SLCO1A2: variants seen among roughly 807,000 people sequenced by gnomAD.
The protein encoded by SLCO1A2 is solute carrier organic anion transporter family member 1A2, also known as OATP-1.
A neutral mutation model predicts 69.0 loss-of-function variants in SLCO1A2; 67 were observed. The ratio of observed to expected loss-of-function variants is 0.97; its 90% CI spans 0.80 to 1.19. The LOEUF (loss-of-function observed/expected upper bound fraction) is 1.19. SLCO1A2 is among the 50% of genes most tolerant of loss of function. The probability of loss-of-function intolerance (pLI) is 0.00; values close to 1 mark genes in which losing one functional copy is unlikely to be tolerated. For synonymous variants in SLCO1A2, 260 were observed against 265.9 expected (o/e 0.98, Z 0.22); for missense variants, 787 against 793.7 (o/e 0.99, Z 0.10).
chr12:21,380,173 G>A (rs948629679), intron 1 of SLCO1A2, among the ~76,000 whole-genome samples: 2 of 151,924 alleles, frequency 1.3e-5, no homozygotes, highest in African/African-American at 4.8e-5. Flanking sequence ...TTTATAATAT[G>A]TCAAGTTATA....
In SLCO1A2 at chr12:21,265,380, AG is replaced by A. The variant is rs1941965030; in HGVS notation, c.*4167del. 6.6e-6 allele frequency: 1 copy of A among 152,432 alleles called. No individual in the cohort carries two copies. Among genetic ancestry groups the A allele is most frequent in the Admixed American group, 6.6e-5 (1 of 15,262 alleles). The allele number at this position is 152,432 out of a possible 1,614,324, so 9.4% of individuals were successfully genotyped here. A position where few individuals can be genotyped will look rare whatever the true frequency, so the allele number is the denominator to read the frequency against. ...GCTGGGAAGTCAAGAGATGGATTCC[AG>A]GTTTGAGGATAGATTGCAGCTGGAT... On this transcript the variant is annotated 3_prime_UTR_variant, in exon 15 of 15. Coordinates refer to ENST00000683939, the MANE Select transcript of SLCO1A2 (RefSeq NM_001386879.1).
chr12:21,274,868 G>C, intron 13 of SLCO1A2: 1 of 1,018,896 alleles, frequency 9.8e-7, no homozygotes, highest in Non-Finnish European at 1.2e-6. Context: ...TTTTGGGCCA[G>C]TTATATGTAC....
chr12:21,372,046 A>C lies in SLCO1A2; in HGVS notation c.-63+2353T>G, dbSNP rs1023569622. On this transcript the variant is annotated intron_variant, in intron 2 of 15. Coordinates refer to the SLCO1A2 transcript ENST00000307378. ...AAGAAAGAGAGAAAGAAATACAAGA[A>C]AAAGAAAAAGCAATTTGGAGAAAAT... Among the ~76,000 whole-genome samples, 5 of 152,268 alleles carry C rather than the reference A, an allele frequency of 3.3e-5. No individual in the cohort carries two copies. The South Asian group carries it at 1.0e-3, about 32-fold the overall frequency.
At chr12:21,378,452 G>A (rs748342316) in intron 1 of SLCO1A2, 5 of 1,568,984 alleles carry the variant, frequency 3.2e-6, no homozygotes. Flanking sequence ...TATAGTTATT[G>A]TTTTATGTTC....
At chr12:21,384,759 GT>G (rs1201476086) in intron 1 of SLCO1A2, among the ~76,000 whole-genome samples, 4 of 147,424 alleles carry the variant, frequency 2.7e-5, no homozygotes, top group African/African-American at 7.5e-5. Flanking sequence ...TGTCCACTTA[GT>G]TTTTTTTTCT....
intron 1 of SLCO1A2, 28 bp from the exon 2 acceptor site, chr12:21,334,737 A>T: frequency 5.1e-6 from 5 of 979,268 alleles, no homozygotes; most frequent in Non-Finnish European, 7.7e-6. Context: ...AAATATGTTA[A>T]ATTAACTACA....
rs928986310 is a variant in SLCO1A2 at position 21,274,364 on chromosome 12, A to G, written c.1793+105T>C. On this transcript the variant is annotated intron_variant, in intron 14 of 14. Coordinates refer to ENST00000683939, the MANE Select transcript of SLCO1A2 (RefSeq NM_001386879.1). ...CAGTATCTCTGCTGGAAATAACCACAAAAGTATTCTTTTCACTTGACAAAG... is the reference window on the plus strand; with the variant it reads ...CAGTATCTCTGCTGGAAATAACCACGAAAGTATTCTTTTCACTTGACAAAG... The G allele has an allele frequency of 7.5e-6, 5 of 667,382 alleles. No homozygotes were observed. The African/African-American group carries it at 8.9e-5, about 12-fold the overall frequency. 41.3% of individuals were successfully genotyped at this position (667,382 alleles called of 1,614,324 possible).
At chr12:21,410,811 ATG>A (rs1282953288) in intron 1 of SLCO1A2, among the ~76,000 whole-genome samples, 3 of 152,222 alleles carry the variant, frequency 2.0e-5, no homozygotes, top group Admixed American at 6.5e-5. Context: ...CATTATTTCA[ATG>A]TGTATTTCTC....
Position 21,267,371 on chromosome 12 carries a change from T to C in SLCO1A2, c.*2177A>G, listed in dbSNP as rs576125935. 1 of 152,224 alleles carries C rather than the reference T, an allele frequency of 6.6e-6. No individual in the cohort carries two copies. Among genetic ancestry groups the C allele is most frequent in the South Asian group, 2.1e-4 (1 of 4,826 alleles). 9.4% of individuals were successfully genotyped at this position (152,224 alleles called of 1,614,324 possible). ...ACCTCAAATCTATCAATAGGGATGA[T>C]GAATGGGCCTCAGGAGCTTGAGTAA... is the stretch of plus-strand genomic sequence containing the variant. On this transcript the variant is annotated 3_prime_UTR_variant, in exon 15 of 15. Transcript: ENST00000683939.
At chr12:21,295,554 C>A (rs1281555891) in intron 10 of SLCO1A2, 43 bp downstream of exon 10, 2 of 1,228,188 alleles carry the variant, frequency 1.6e-6, no homozygotes, top group African/African-American at 3.0e-5. Flanking sequence ...ATCATATTAA[C>A]CATTTGTTGA....
At chr12:21,408,335 AAT>A (rs372410332) in intron 1 of SLCO1A2, among the ~76,000 whole-genome samples, 3 of 152,102 alleles carry the variant, frequency 2.0e-5, no homozygotes, top group African/African-American at 7.2e-5. Flanking sequence ...AATCAGAAAC[AAT>A]ACTCTTCTTT....
intron 1 of SLCO1A2, among the ~76,000 whole-genome samples, chr12:21,411,573 T>A (rs1011121287): frequency 1.3e-5 from 2 of 152,228 alleles, no homozygotes. Context: ...TTAGAAGTGT[T>A]CTGTTTGTGA....
intron 1 of SLCO1A2, among the ~76,000 whole-genome samples, chr12:21,412,171 A>G (rs1941917597): frequency 1.3e-5 from 2 of 152,174 alleles, no homozygotes; most frequent in Admixed American, 6.5e-5. Flanking sequence ...ACCTGAGGTC[A>G]GGAGTTTGAG....
intron 6 of SLCO1A2, among the ~76,000 whole-genome samples, chr12:21,302,810 G>C (rs925714971): frequency 2.0e-5 from 3 of 151,982 alleles, no homozygotes; most frequent in Non-Finnish European, 2.9e-5. Flanking sequence ...GCCTGCCTCA[G>C]CCTCCTGAGT....
At chr12:21,410,081 A>G (rs943030830) in intron 1 of SLCO1A2, among the ~76,000 whole-genome samples, 7 of 152,154 alleles carry the variant, frequency 4.6e-5, no homozygotes, top group African/African-American at 1.2e-4. Context: ...CAGGCATGGT[A>G]TACTTTTATT....
intron 4 of SLCO1A2, among the ~76,000 whole-genome samples, chr12:21,310,002 T>TAACC (rs1949913606): frequency 6.6e-6 from 1 of 152,162 alleles, no homozygotes; most frequent in Admixed American, 6.5e-5. Context: ...CAAAGAAAGC[T>TAACC]AACCATATGA....
intron 1 of SLCO1A2, among the ~76,000 whole-genome samples, chr12:21,376,770 A>G (rs1940225963): frequency 6.6e-6 from 1 of 152,136 alleles, no homozygotes; most frequent in Admixed American, 6.5e-5. Context: ...ACACAATGAG[A>G]TAAATCCATT....
intron 12 of SLCO1A2, among the ~76,000 whole-genome samples, chr12:21,281,178 G>A (rs754622715): frequency 3.9e-5 from 6 of 152,070 alleles, no homozygotes; most frequent in Non-Finnish European, 5.9e-5. Flanking sequence ...TGGGCCAGGC[G>A]TGGTGGCTCA....
chr12:21,386,192 C>T (rs941953716), intron 1 of SLCO1A2, among the ~76,000 whole-genome samples: 3 of 152,170 alleles, frequency 2.0e-5, no homozygotes, highest in Admixed American at 6.5e-5. Context: ...TTTTTGGAAT[C>T]AGGCAGACCT....
Sources: allele counts gnomAD v4.1 joint callset (sites outside exome capture counted in the v4.1 genomes callset), GRCh38; gene constraint gnomAD v4.1.1; transcripts MANE v1.5; gene names NCBI Gene and HGNC (gene_info 2026-07-23, HGNC 2026-07-21).